The following RADX variants were observed in gnomAD, a reference collection of about 807,000 sequenced individuals.
The protein encoded by RADX is RPA1 related single stranded DNA binding protein, X-linked, also known as RPA-related protein RADX.
A neutral mutation model predicts 61.6 loss-of-function variants in RADX; 36 were observed. That is an observed-to-expected ratio of 0.58 (90% CI 0.45 to 0.77). The LOEUF (loss-of-function observed/expected upper bound fraction) is 0.77, where lower values mean the gene tolerates loss of function less well. RADX is among the 30% of genes least tolerant of loss of function. The pLI, the probability that RADX is intolerant of heterozygous loss-of-function variation, is 0.00. For synonymous variants in RADX, 272 were observed against 237.9 expected, an observed-to-expected ratio of 1.14 and a Z score of -1.32; for missense variants, 497 against 651.1, an observed-to-expected ratio of 0.76 and a Z score of 2.58.
chrX:106,637,161 A>G lies in RADX; in HGVS notation c.1408+514A>G, dbSNP rs752842435. Among the ~76,000 whole-genome samples the G allele has an allele frequency of 1.3e-4, 14 of 111,393 alleles. No individual in the cohort carries two copies. In the South Asian group the frequency reaches 3.0e-3, roughly 24 times the overall value. ...AAACATTAAAGAAAAACGTTTCCAA[A>G]TGAGAGAGTGAGGAAGTAGTGTGGA... On this transcript the variant is annotated intron_variant, in intron 7 of 13. Coordinates refer to ENST00000372548, the MANE Select transcript of RADX (RefSeq NM_018015.6).
At chrX:106,659,288 T>C (rs1467277400) in intron 11 of RADX, among the ~76,000 whole-genome samples, 1 of 111,511 alleles carries the variant, frequency 9.0e-6, no homozygotes, top group East Asian at 2.8e-4. Flanking sequence ...AACCTACCAC[T>C]CTTATCCACG....
intron 3 of RADX, among the ~76,000 whole-genome samples, chrX:106,631,840 GAAA>G (rs770908494): frequency 2.8e-5 from 3 of 108,269 alleles, no homozygotes; most frequent in Non-Finnish European, 5.7e-5. Flanking sequence ...AAGAAAGAAA[GAAA>G]AAAGAAAGAA....
At position 106,633,208 on chromosome X, in the gene RADX, T is replaced by C. The variant is rs147686087; in HGVS notation, c.1259T>C (p.Leu420Pro). The C allele has an allele frequency of 1.7e-6, 2 of 1,203,216 alleles. No individual in the cohort carries two copies. The highest frequency in any genetic ancestry group is 3.5e-5 in the African/African-American group (2 of 57,068). The change falls in exon 6 of 14, where the codon CTG becomes CCG. Residue 420 changes from leucine to proline, a missense_variant. Around this residue, in one of 3 missense-constraint regions of RADX, gnomAD observed 196 missense variants for 315.0 expected, o/e 0.62. Transcript: ENST00000372548. ...TCAGAACAACCATTTATAGTGGAAC[T>C]GTTTTCAACATCGCAGCCAGAAATC... ...GTSEQPFIVE[L>P]FSTSQPEIFE...
chrX:106,635,944 G>A (rs1037919433), intron 6 of RADX, among the ~76,000 whole-genome samples: 2 of 111,865 alleles, frequency 1.8e-5, no homozygotes, highest in Non-Finnish European at 3.8e-5. Context: ...AAGGTGAAAA[G>A]AAAATAAACA....
intron 12 of RADX, among the ~76,000 whole-genome samples, chrX:106,665,276 A>G (rs1468180721): frequency 8.9e-6 from 1 of 111,898 alleles, no homozygotes; most frequent in Non-Finnish European, 1.9e-5. Context: ...GCCAAGTAGT[A>G]AATGTTTGAG....
chrX:106,644,845 T>G (rs7058935), intron 10 of RADX, among the ~76,000 whole-genome samples: 5,679 of 110,928 alleles, frequency 0.051, 358 homozygotes, highest in African/African-American at 0.18. Flanking sequence ...AGGATTGATC[T>G]TAGCTCTTCT....
chrX:106,660,893 C>T (rs1255832872), intron 11 of RADX, among the ~76,000 whole-genome samples: 1 of 111,816 alleles, frequency 8.9e-6, no homozygotes, highest in Non-Finnish European at 1.9e-5. Flanking sequence ...TTAATTGGCT[C>T]ACAGTTCCAC....
At chrX:106,672,239 C>G (rs1928382925) in intron 13 of RADX, among the ~76,000 whole-genome samples, 1 of 111,806 alleles carries the variant, frequency 8.9e-6, no homozygotes. Context: ...CTATTCATTT[C>G]CAAAACGTTT....
At chrX:106,635,089 A>C (rs1603043627) in intron 6 of RADX, among the ~76,000 whole-genome samples, 1 of 111,754 alleles carries the variant, frequency 8.9e-6, no homozygotes, top group East Asian at 2.8e-4. Flanking sequence ...CAAGAAGGGG[A>C]GCATGGCCAA....
rs1457081415 is a variant in RADX, at chrX:106,640,615, C to T, written c.1798C>T (p.Arg600Trp). 8 of 1,195,710 alleles carry T rather than the reference C, an allele frequency of 6.7e-6. No homozygotes were observed. The highest frequency in any genetic ancestry group is 1.8e-5 in the South Asian group (1 of 55,603). Reference protein sequence around the residue: ...RVEIQERNGKRHQDDEPVNSQ... With the variant: ...RVEIQERNGKWHQDDEPVNSQ... ...AGAAATTCAAGAAAGAAATGGTAAA[C>T]GGCATCAAGATGATGAGCCTGTGAA... Residue 600 changes from arginine to tryptophan, a missense_variant, in exon 10 of 14, where the codon CGG becomes TGG. Physicochemically the swap from Arg to Trp is moderately radical, Grantham distance 101 (BLOSUM62 -3). This residue lies in a region of RADX where 267 missense variants were observed against 306.9 expected (regional missense o/e 0.87). Transcript: ENST00000372548.
At chrX:106,665,332 G>A (rs1207750030) in intron 12 of RADX, among the ~76,000 whole-genome samples, 1 of 112,097 alleles carries the variant, frequency 8.9e-6, no homozygotes, top group Non-Finnish European at 1.9e-5. Context: ...CAGCTCTGCT[G>A]TATTAATGTG....
chrX:106,619,053 G>A (rs1034181064), intron 1 of RADX, among the ~76,000 whole-genome samples: 2 of 108,197 alleles, frequency 1.8e-5, no homozygotes, highest in Admixed American at 9.8e-5. Context: ...TTACTTTTGC[G>A]GGATTAAAAT....
intron 1 of RADX, among the ~76,000 whole-genome samples, chrX:106,618,462 T>G (rs2147610433): frequency 9.0e-6 from 1 of 110,758 alleles, no homozygotes; most frequent in Non-Finnish European, 1.9e-5. Context: ...ATGCTATTGG[T>G]ACAGAGACCA....
chrX:106,620,880 T>C (rs1282952600), intron 1 of RADX, among the ~76,000 whole-genome samples: 1 of 112,134 alleles, frequency 8.9e-6, no homozygotes, highest in Non-Finnish European at 1.9e-5. Flanking sequence ...CCTCTAATTC[T>C]TTTTTAGATT....
rs1244476198 is a variant in RADX at position 106,661,408 on chromosome X, T to C, written c.1979-607T>C. Among the ~76,000 whole-genome samples the C allele has an allele frequency of 8.4e-5, 9 of 107,483 alleles. No individual in the cohort carries two copies. In the Admixed American group the frequency reaches 9.1e-4, roughly 11 times the overall value. 93.3% of individuals were successfully genotyped at this position (107,483 alleles called of 115,157 possible). On this transcript the variant is annotated intron_variant, in intron 11 of 13. Transcript: ENST00000372548. ...TTGGTTTTTTTGTTTTGTTTTGTTT[T>C]TTAGTGACAGGTCTCTCTATGTTAA... is the stretch of plus-strand genomic sequence containing the variant.
intron 2 of RADX, among the ~76,000 whole-genome samples, chrX:106,624,626 A>G (rs1032703345): frequency 2.7e-5 from 3 of 111,653 alleles, no homozygotes; most frequent in Non-Finnish European, 5.6e-5. Flanking sequence ...TATTTTAGCT[A>G]TTATTATTAG....
intron 1 of RADX, among the ~76,000 whole-genome samples, chrX:106,617,053 C>G (rs1192236336): frequency 1.6e-5 from 1 of 60,979 alleles, no homozygotes; most frequent in African/African-American, 6.8e-5. Flanking sequence ...TTGACAGAGT[C>G]TCATTCTGTT....
At chrX:106,665,340 G>C (rs1313666225) in intron 12 of RADX, among the ~76,000 whole-genome samples, 1 of 112,065 alleles carries the variant, frequency 8.9e-6, no homozygotes, top group Non-Finnish European at 1.9e-5. Context: ...CTGTATTAAT[G>C]TGAAAGCAAC....
intron 11 of RADX, among the ~76,000 whole-genome samples, chrX:106,655,299 C>CTT (rs752071995): frequency 9.7e-5 from 9 of 93,241 alleles, no homozygotes; most frequent in Non-Finnish European, 1.5e-4. Context: ...GTTTCTTTTT[C>CTT]TTTTTTTTTT....
Sources: gnomAD v4.1 joint callset for allele counts (sites outside exome capture counted in the v4.1 genomes callset) on GRCh38, gnomAD v4.1.1 for gene constraint, gnomAD v4.1.1 regional missense constraint, MANE v1.5 for transcripts, NCBI Gene and HGNC (gene_info 2026-07-23, HGNC 2026-07-21) for gene names.